Variants in CCDC171 observed in about 807,000 individuals in gnomAD.
The protein encoded by CCDC171 is coiled-coil domain containing 171.
In CCDC171, 177 loss-of-function variants were observed where a neutral mutation model predicts 168.2. The observed-to-expected ratio is 1.05, with a 90% CI of 0.93 to 1.19. The LOEUF (loss-of-function observed/expected upper bound fraction) is 1.19, where lower values mean the gene tolerates loss of function less well. Ranked by LOEUF, CCDC171 falls within the 50% of genes most tolerant of loss-of-function variation. CCDC171 has a pLI of 0.00. For synonymous variants in CCDC171, 687 were observed against 540.8 expected, an observed-to-expected ratio of 1.27 and a Z score of -3.75; for missense variants, 1,991 against 1,539.0, an observed-to-expected ratio of 1.29 and a Z score of -4.91.
At chr9:15,912,832 G>C (rs1411754108) in intron 24 of CCDC171, among the ~76,000 whole-genome samples, 1 of 152,146 alleles carries the variant, frequency 6.6e-6, no homozygotes, top group African/African-American at 2.4e-5. Context: ...TTATGTGATG[G>C]ATTACATTTA....
intron 21 of CCDC171, among the ~76,000 whole-genome samples, chr9:15,795,571 C>T (rs554684657): frequency 6.6e-6 from 1 of 152,170 alleles, no homozygotes; most frequent in Non-Finnish European, 1.5e-5. Context: ...AGGAGCTGAA[C>T]TCTAATTAGC....
chr9:16,092,420 GCGCTGGTCTGCCTGGGA>G, the CCDC171 span, among the ~76,000 whole-genome samples: 3 of 152,126 alleles, frequency 2.0e-5, no homozygotes, highest in African/African-American at 7.2e-5. Flanking sequence ...TTGCTGAGAT[GCGCTGGTCTGCCTGGGA>G]CAGCTGCATC....
At chr9:15,709,728 G>A (rs909838450) in intron 11 of CCDC171, among the ~76,000 whole-genome samples, 27 of 152,216 alleles carry the variant, frequency 1.8e-4, no homozygotes, top group African/African-American at 6.3e-4. Context: ...TATGTATAAT[G>A]AACATGTTTT....
intron 3 of CCDC171, among the ~76,000 whole-genome samples, chr9:15,574,058 T>G (rs926903405): frequency 6.6e-6 from 1 of 152,158 alleles, no homozygotes; most frequent in African/African-American, 2.4e-5. Flanking sequence ...GAATACAGTT[T>G]TCTTAAAACA....
At chr9:15,786,546 T>C (rs1242575380) in intron 21 of CCDC171, among the ~76,000 whole-genome samples, 1 of 152,198 alleles carries the variant, frequency 6.6e-6, no homozygotes, top group Non-Finnish European at 1.5e-5. Context: ...TCAAACACCA[T>C]GTCAAGGATT....
Position 15,779,104 on chromosome 9 carries a change from A to G in CCDC171, c.3035A>G (p.Asp1012Gly). 6.2e-7 allele frequency: 1 copy of G among 1,601,328 alleles called. No individual in the cohort carries two copies. The highest frequency in any genetic ancestry group is 8.5e-7 in the Non-Finnish European group (1 of 1,174,784). ...GTGAATGAAATGAAAAAGGAGCTTG[A>G]CAAAGCCCAGGGTCTGCAAATGCAA... is the stretch of plus-strand genomic sequence containing the variant. ...RSVNEMKKEL[D>G]KAQGLQMQLN... Residue 1012 changes from aspartate (D) to glycine (G), a missense_variant, in exon 20 of 26, where the codon GAC (aspartate) becomes GGC (glycine). Physicochemically the swap from Asp to Gly is moderately conservative, Grantham distance 94 (BLOSUM62 -1). Transcript: ENST00000380701.
the CCDC171 span, among the ~76,000 whole-genome samples, chr9:16,107,851 T>C: frequency 2.6e-5 from 4 of 152,190 alleles, no homozygotes; most frequent in South Asian, 2.1e-4. Context: ...GGATAGGGCC[T>C]GGTATGTAGT....
At chr9:15,839,500 C>A (rs2136349643) in intron 21 of CCDC171, among the ~76,000 whole-genome samples, 1 of 152,198 alleles carries the variant, frequency 6.6e-6, no homozygotes, top group Non-Finnish European at 1.5e-5. Flanking sequence ...AATAACTTTT[C>A]TGATTCTTAG....
At chr9:16,107,035 T>C in the CCDC171 span, among the ~76,000 whole-genome samples, 1,828 of 152,322 alleles carry the variant, frequency 0.012, 36 homozygotes, top group African/African-American at 0.041. Flanking sequence ...ATTTCAGACT[T>C]ATAGAAAAGT....
At chr9:15,974,569 A>C (rs1229174629), downstream of CCDC171, among the ~76,000 whole-genome samples, 1 of 152,220 alleles carries the variant, frequency 6.6e-6, no homozygotes, top group Non-Finnish European at 1.5e-5. Flanking sequence ...ATTAATTCTT[A>C]AAGTTATTGT....
intron 21 of CCDC171, among the ~76,000 whole-genome samples, chr9:15,818,175 C>T (rs1248274627): frequency 8.6e-6 from 1 of 116,706 alleles, no homozygotes; most frequent in East Asian, 2.1e-4. Context: ...AGGGGACATG[C>T]ACACCAAAAC....
chr9:15,702,232 TC>T (rs1217707561), intron 11 of CCDC171, among the ~76,000 whole-genome samples: 1 of 152,146 alleles, frequency 6.6e-6, no homozygotes, highest in Non-Finnish European at 1.5e-5. Context: ...TATGAGCTGT[TC>T]CAACTTGTCA....
At chr9:16,062,803 C>T (rs1011329619), downstream of CCDC171, among the ~76,000 whole-genome samples, 4 of 152,122 alleles carry the variant, frequency 2.6e-5, no homozygotes, top group Non-Finnish European at 4.4e-5. Context: ...TGGGGGACCC[C>T]GGTGAGGGAC....
At position 15,659,192 on chromosome 9, in the gene CCDC171, G is replaced by A. The variant is rs569304209; in HGVS notation, c.915+1973G>A. Among the ~76,000 whole-genome samples, 13 of 152,264 alleles carry A rather than the reference G, an allele frequency of 8.5e-5. No homozygotes were observed. The South Asian group carries it at 2.3e-3, about 27-fold the overall frequency. The stretch of plus-strand genomic sequence containing the variant: ...ATTTACTCTTGACATCCTGCTTTTT[G>A]TGAACAGATCCTTTCTTTATATTCT... On this transcript the variant is annotated intron_variant, in intron 8 of 25. Transcript: ENST00000380701.
downstream of CCDC171, among the ~76,000 whole-genome samples, chr9:16,065,841 T>TGTGTGTGTGTGTGTGTGC (rs1015627458): frequency 1.3e-5 from 2 of 149,126 alleles, no homozygotes; most frequent in African/African-American, 4.9e-5. Flanking sequence ...TGTGTGTGTG[T>TGTGTGTGTGTGTGTGTGC]GTGCTGATTA....
the CCDC171 span, among the ~76,000 whole-genome samples, chr9:16,098,257 G>T: frequency 6.6e-6 from 1 of 152,260 alleles, no homozygotes; most frequent in East Asian, 1.9e-4. Flanking sequence ...ATTTTGAAGA[G>T]TTCATTACAT....
At position 15,973,500 on chromosome 9, in the gene CCDC171, T is replaced by C. The variant is rs549539296; in HGVS notation, c.*1664T>C. The C allele has an allele frequency of 6.4e-4, 97 of 152,270 alleles. No homozygotes were observed. The highest frequency in any genetic ancestry group is 2.2e-3 in the African/African-American group (92 of 41,576). 9.4% of individuals were successfully genotyped at this position (152,270 alleles called of 1,614,324 possible). ...CGTACTGTGTAACACATCCTATTCT[T>C]GTAATACTGAACCACTATAATTAGC... On this transcript the variant is annotated 3_prime_UTR_variant, in exon 26 of 26. Coordinates refer to ENST00000380701, the MANE Select transcript of CCDC171 (RefSeq NM_173550.4).
At chr9:15,670,025 C>G (rs2048999797) in intron 9 of CCDC171, among the ~76,000 whole-genome samples, 1 of 145,426 alleles carries the variant, frequency 6.9e-6, no homozygotes, top group Non-Finnish European at 1.5e-5. Context: ...ACTTACTTCT[C>G]CTCTCTTCCC....
chr9:15,743,335 T>A (rs564935073), intron 16 of CCDC171, among the ~76,000 whole-genome samples: 35 of 151,868 alleles, frequency 2.3e-4, no homozygotes, highest in African/African-American at 7.7e-4. Flanking sequence ...CTGTCTTAAT[T>A]TTTTTTATTT....
Sources: gnomAD v4.1 joint callset for allele counts (sites outside exome capture counted in the v4.1 genomes callset) on GRCh38, gnomAD v4.1.1 for gene constraint, MANE v1.5 for transcripts, NCBI Gene and HGNC (gene_info 2026-07-23, HGNC 2026-07-21) for gene names.